MAP6: variants seen among roughly 807,000 people sequenced by gnomAD.
The protein encoded by MAP6 is microtubule associated protein 6.
A neutral mutation model predicts 42.4 loss-of-function variants in MAP6; 26 were observed. The ratio of observed to expected loss-of-function variants is 0.61; its 90% CI spans 0.45 to 0.85. The LOEUF is 0.85. Among genes scored for constraint, MAP6 ranks in the 40% least tolerant of loss-of-function variants. The pLI is 0.00. For synonymous variants in MAP6, 418 were observed against 443.8 expected (o/e 0.94, Z 0.73); for missense variants, 966 against 1,099.0 (o/e 0.88, Z 1.71).
chr11:75,647,541 A>G (rs1395266166), intron 1 of MAP6, among the ~76,000 whole-genome samples: 1 of 152,148 alleles, frequency 6.6e-6, no homozygotes, highest in African/African-American at 2.4e-5. Context: ...CTGTTCCTAC[A>G]TACCGCAACA....
chr11:75,666,110 A>G (rs933912034), intron 1 of MAP6, among the ~76,000 whole-genome samples: 4 of 149,614 alleles, frequency 2.7e-5, no homozygotes, highest in African/African-American at 9.7e-5. Flanking sequence ...CTCTTGCAGG[A>G]AGGAGGCAGC....
In MAP6 at chr11:75,608,269, T is replaced by G. The variant is rs1942819571; in HGVS notation, c.959A>C (p.Lys320Thr). The G allele has an allele frequency of 1.2e-6, 2 of 1,614,118 alleles. No homozygotes were observed. The highest frequency in any genetic ancestry group is 1.7e-6 in the Non-Finnish European group (2 of 1,180,036). The change falls in exon 2 of 4, where the codon AAG becomes ACG. Residue 320 changes from lysine (K) to threonine (T), a missense_variant. Lys to Thr is a moderately conservative substitution (Grantham distance 78). Around this residue, in one of 2 missense-constraint regions of MAP6, gnomAD observed 943 missense variants for 1,049.9 expected, o/e 0.90. Coordinates refer to ENST00000304771, the MANE Select transcript of MAP6 (RefSeq NM_033063.2). ...DIKPVKPIKA[K>T]PQYKPPDDKM... ...ATCATCTGGGGGCTTGTACTGGGGC[T>G]TGGCCTTTATTGGTTTCACAGGCTT...
intron 1 of MAP6, among the ~76,000 whole-genome samples, chr11:75,634,975 G>A (rs745535951): frequency 6.6e-6 from 1 of 152,192 alleles, no homozygotes; most frequent in Admixed American, 6.5e-5. Flanking sequence ...GAGTGGGAAG[G>A]AAAATGTGGA....
In MAP6 at chr11:75,587,835, G is replaced by A. The variant is rs1429727600; in HGVS notation, c.1666C>T (p.Pro556Ser). 1 of 1,614,160 alleles carries A rather than the reference G, an allele frequency of 6.2e-7. No homozygotes were observed. Among genetic ancestry groups the A allele is most frequent in the South Asian group, 1.1e-5 (1 of 91,078 alleles). Residue 556 changes from proline (P) to serine (S), a missense_variant, in exon 4 of 4, where the codon CCA becomes TCA. Around this residue, in one of 2 missense-constraint regions of MAP6, gnomAD observed 943 missense variants for 1,049.9 expected, o/e 0.90. Coordinates refer to ENST00000304771, the MANE Select transcript of MAP6 (RefSeq NM_033063.2). The stretch of plus-strand genomic sequence containing the variant: ...GGACCTTGATCCTTTAGAGACTCTG[G>A]TACCACAGAGCCTTGATCCTTAACT... ...AKVKDQGSVV[P>S]ESLKDQGPRI...
chr11:75,667,573 G>GCCTGGACCTGGT lies in MAP6; in HGVS notation c.796_797insACCAGGTCCAGG (p.Gln265_Ala266insAspGlnValGln), dbSNP rs745467213. ...CTCGGGGCCGGTGGCCTGGACCTGGGCCTGGGCCGCGGGCAGCGGCGTCTG... is the reference window on the plus strand; with the variant it reads ...CTCGGGGCCGGTGGCCTGGACCTGGGCCTGGACCTGGTCCTGGGCCGCGGGCAGCGGCGTCTG... On this transcript the variant is annotated inframe_insertion, in exon 1 of 4. Transcript: ENST00000304771. This position sits in a 1 kb window ranked among gnomAD's most constrained non-coding sequence, Gnocchi z 5.6. 8.4e-6 allele frequency: 12 copies of GCCTGGACCTGGT among 1,426,550 alleles called. 1 individual carries two copies. In the South Asian group the frequency reaches 1.7e-4, roughly 21 times the overall value. The allele number at this position is 1,426,550 out of a possible 1,614,324, so 88.4% of individuals were successfully genotyped here.
intron 3 of MAP6, among the ~76,000 whole-genome samples, chr11:75,597,602 C>T (rs78360170): frequency 0.022 from 3,335 of 152,298 alleles, 190 homozygotes; most frequent in Admixed American, 0.12. Context: ...TAACACTATG[C>T]TCCTGGGAAC....
chr11:75,609,501 C>T (rs571196456), intron 1 of MAP6, among the ~76,000 whole-genome samples: 15 of 152,340 alleles, frequency 9.8e-5, no homozygotes, highest in African/African-American at 2.6e-4. Flanking sequence ...TGGACTGCGA[C>T]GGAGACACGC....
rs1943959340 is a variant in MAP6, at chr11:75,667,047, C to A, written c.905+418G>T. ...CTGGGCTAGGGAGGAGGGCGAGAGG[C>A]CACTTGGAAAGAATTCTTCTTCTGG... On this transcript the variant is annotated intron_variant, in intron 1 of 3. Coordinates refer to ENST00000304771, the MANE Select transcript of MAP6 (RefSeq NM_033063.2). This position sits in a 1 kb window ranked among gnomAD's most constrained non-coding sequence, Gnocchi z 5.6. 6.6e-6 allele frequency among the ~76,000 whole-genome samples: 1 copy of A among 152,108 alleles called. No homozygotes were observed.
chr11:75,648,076 A>T (rs1943591471), intron 1 of MAP6, among the ~76,000 whole-genome samples: 1 of 152,236 alleles, frequency 6.6e-6, no homozygotes, highest in South Asian at 2.1e-4. Context: ...CAGACAAATA[A>T]CGGATTTGGG....
rs754538741 is a variant in MAP6 at position 75,587,014 on chromosome 11, C to T, written c.*45G>A. Reference sequence around the variant, plus strand: ...GTCTTCACTGCCCCTGGGAGGGGAGCACTCTCACTGTCAGCTCCTTCATTG... The same window carrying T: ...GTCTTCACTGCCCCTGGGAGGGGAGTACTCTCACTGTCAGCTCCTTCATTG... On this transcript the variant is annotated 3_prime_UTR_variant, in exon 4 of 4. Coordinates refer to ENST00000304771, the MANE Select transcript of MAP6 (RefSeq NM_033063.2). 6.6e-7 allele frequency: 1 copy of T among 1,514,008 alleles called. No individual in the cohort carries two copies. Among genetic ancestry groups the T allele is most frequent in the Non-Finnish European group, 8.9e-7 (1 of 1,128,566 alleles). The allele number at this position is 1,514,008 out of a possible 1,614,324, so 93.8% of individuals were successfully genotyped here. A position where few individuals can be genotyped will look rare whatever the true frequency, so the allele number is the denominator to read the frequency against.
chr11:75,605,480 C>T (rs878950900), intron 3 of MAP6: 2 of 1,108,704 alleles, frequency 1.8e-6, no homozygotes, highest in South Asian at 5.4e-5. Flanking sequence ...CACTTCCAAG[C>T]ACTGCCGGGA....
At chr11:75,641,043 A>T (rs1276792887) in intron 1 of MAP6, among the ~76,000 whole-genome samples, 1 of 152,226 alleles carries the variant, frequency 6.6e-6, no homozygotes, top group Admixed American at 6.5e-5. Context: ...ACGTATGTTT[A>T]TTGCAGCACT....
rs1468461230 is a variant in MAP6, at chr11:75,668,131, G to A, written c.239C>T (p.Ala80Val). The change falls in exon 1 of 4, where the codon GCC becomes GTC. Residue 80 changes from alanine to valine, a missense_variant. Around this residue, in one of 2 missense-constraint regions of MAP6, gnomAD observed 943 missense variants for 1,049.9 expected, o/e 0.90. Transcript: ENST00000304771. ...CCCAGGCGCTGGCCCCGTTGCCCGG[G>A]CAACTGCATCCAACTCGCCCTGGGC... is the stretch of plus-strand genomic sequence containing the variant. Reference protein sequence around the residue: ...QPAQGELDAVARATGPAPGPT... With the variant: ...QPAQGELDAVVRATGPAPGPT... 10 of 1,222,034 alleles carry A rather than the reference G, an allele frequency of 8.2e-6. No individual in the cohort carries two copies. The highest frequency in any genetic ancestry group is 1.0e-5 in the Non-Finnish European group (10 of 985,430). The allele number at this position is 1,222,034 out of a possible 1,614,324, so 75.7% of individuals were successfully genotyped here.
At chr11:75,651,543 G>A (rs939332199) in intron 1 of MAP6, among the ~76,000 whole-genome samples, 2 of 152,112 alleles carry the variant, frequency 1.3e-5, no homozygotes, top group Non-Finnish European at 2.9e-5. Flanking sequence ...AAAATTCCAT[G>A]TTGTAGCCCC....
At chr11:75,653,674 TG>T (rs754162373) in intron 1 of MAP6, among the ~76,000 whole-genome samples, 4 of 152,250 alleles carry the variant, frequency 2.6e-5, no homozygotes, top group Non-Finnish European at 5.9e-5. Flanking sequence ...GTATGCAAAG[TG>T]GCAAAAGCCA....
intron 1 of MAP6, among the ~76,000 whole-genome samples, chr11:75,618,285 G>C (rs1943038359): frequency 6.6e-6 from 1 of 152,078 alleles, no homozygotes; most frequent in Admixed American, 6.5e-5. Context: ...CATGAAGTAG[G>C]CAAATTCTTA....
At chr11:75,603,712 G>A in intron 3 of MAP6, 8 of 985,326 alleles carry the variant, frequency 8.1e-6, no homozygotes, top group Non-Finnish European at 9.6e-6. Flanking sequence ...GTGTGGCTGT[G>A]GAGACAGATT....
intron 1 of MAP6, among the ~76,000 whole-genome samples, chr11:75,639,429 T>C (rs1327199695): frequency 4.6e-5 from 7 of 152,206 alleles, no homozygotes; most frequent in Non-Finnish European, 1.0e-4. Flanking sequence ...AACCCCAACT[T>C]GAAAACTGGT....
intron 1 of MAP6, among the ~76,000 whole-genome samples, chr11:75,619,189 C>T (rs1325229365): frequency 1.3e-5 from 2 of 151,618 alleles, no homozygotes; most frequent in Non-Finnish European, 2.9e-5. Context: ...CACACCATAC[C>T]CTGTGTATGT....
Sources: gnomAD v4.1 joint callset for allele counts (sites outside exome capture counted in the v4.1 genomes callset) on GRCh38, gnomAD v4.1.1 for gene constraint, gnomAD v4.1.1 regional missense constraint, Gnocchi (gnomAD v3.1) non-coding constraint, MANE v1.5 for transcripts, NCBI Gene and HGNC (gene_info 2026-07-23, HGNC 2026-07-21) for gene names.